The following MACROD2 variants were observed in gnomAD, a reference collection of about 807,000 sequenced individuals.
MACROD2 encodes the protein ADP-ribose glycohydrolase MACROD2.
A neutral mutation model predicts 70.4 loss-of-function variants in MACROD2; 36 were observed. The observed-to-expected ratio is 0.51, with a 90% CI of 0.39 to 0.68. The LOEUF is 0.68. Among genes scored for constraint, MACROD2 ranks in the 30% least tolerant of loss-of-function variants. MACROD2 has a pLI of 0.00. For synonymous variants in MACROD2, 172 were observed against 178.8 expected (o/e 0.96, Z 0.30); for missense variants, 496 against 538.4 (o/e 0.92, Z 0.78).
intron 6 of MACROD2, among the ~76,000 whole-genome samples, chr20:15,408,333 C>T (rs1285286365): frequency 6.6e-6 from 1 of 152,140 alleles, no homozygotes; most frequent in Non-Finnish European, 1.5e-5. Flanking sequence ...GTGGAAGTCC[C>T]TTAGAGTATT....
At chr20:14,368,401 A>G (rs994172309) in intron 3 of MACROD2, among the ~76,000 whole-genome samples, 2 of 152,024 alleles carry the variant, frequency 1.3e-5, no homozygotes, top group African/African-American at 4.8e-5. Context: ...AAATTAGCTG[A>G]GTGCGGTGGC....
At chr20:14,885,563 C>A (rs546888919) in intron 5 of MACROD2, among the ~76,000 whole-genome samples, 5 of 152,244 alleles carry the variant, frequency 3.3e-5, no homozygotes, top group African/African-American at 1.2e-4. Flanking sequence ...TATAATTTCT[C>A]AAACATCCTC....
chr20:14,913,856 C>T (rs898842937), intron 5 of MACROD2, among the ~76,000 whole-genome samples: 4 of 151,980 alleles, frequency 2.6e-5, no homozygotes, highest in African/African-American at 9.7e-5. Context: ...CCTGATAGGA[C>T]ACTGTAGAGT....
At chr20:15,309,199 A>G (rs193216526) in intron 6 of MACROD2, among the ~76,000 whole-genome samples, 28 of 152,348 alleles carry the variant, frequency 1.8e-4, no homozygotes, top group Middle Eastern at 3.4e-3. Flanking sequence ...TTCAACAACC[A>G]GTTGAGAAAA....
chr20:15,487,408 G>A (rs2047176249), intron 7 of MACROD2, among the ~76,000 whole-genome samples: 1 of 152,144 alleles, frequency 6.6e-6, no homozygotes. Flanking sequence ...TTAGGATGAT[G>A]TCCTCCAGCA....
chr20:14,006,967 G>A (rs8119080), intron 2 of MACROD2, among the ~76,000 whole-genome samples: 10,181 of 152,058 alleles, frequency 0.067, 386 homozygotes, highest in Non-Finnish European at 0.078. Context: ...CACATAATGC[G>A]TCATTGTCTC....
intron 3 of MACROD2, among the ~76,000 whole-genome samples, chr20:14,177,659 A>G (rs1331454300): frequency 6.6e-6 from 1 of 152,184 alleles, no homozygotes; most frequent in Non-Finnish European, 1.5e-5. Flanking sequence ...TCATGCTTGT[A>G]TCGACCAATG....
intron 4 of MACROD2, among the ~76,000 whole-genome samples, chr20:14,641,352 A>G (rs1431626672): frequency 6.6e-6 from 1 of 152,168 alleles, no homozygotes; most frequent in Non-Finnish European, 1.5e-5. Flanking sequence ...TGTCAAAGTC[A>G]TCTGTAAGGG....
At chr20:15,069,015 G>A (rs1285410467) in intron 5 of MACROD2, among the ~76,000 whole-genome samples, 4 of 152,116 alleles carry the variant, frequency 2.6e-5, no homozygotes, top group African/African-American at 9.7e-5. Flanking sequence ...GTGAAGGCCA[G>A]GCTGACTCAG....
chr20:14,792,781 C>T (rs566821075), intron 5 of MACROD2, among the ~76,000 whole-genome samples: 5 of 151,988 alleles, frequency 3.3e-5, no homozygotes, highest in African/African-American at 1.2e-4. Flanking sequence ...TTTGTTTTCC[C>T]CACTCAGTGT....
intron 5 of MACROD2, among the ~76,000 whole-genome samples, chr20:14,991,541 C>G (rs1234940809): frequency 6.6e-6 from 1 of 152,116 alleles, no homozygotes; most frequent in East Asian, 1.9e-4. Flanking sequence ...GACAATGCTC[C>G]CAATGACTCT....
intron 3 of MACROD2, among the ~76,000 whole-genome samples, chr20:14,147,866 CT>C (rs2054962573): frequency 6.6e-6 from 1 of 151,856 alleles, no homozygotes; most frequent in African/African-American, 2.4e-5. Flanking sequence ...TGATCTCACT[CT>C]TTTTTCTTTT....
chr20:14,247,612 TTGAGTGCCGACG>T (rs1258468798), intron 3 of MACROD2, among the ~76,000 whole-genome samples: 2 of 152,198 alleles, frequency 1.3e-5, no homozygotes, highest in East Asian at 3.8e-4. Flanking sequence ...CCAAAACTTT[TTGAGTGCCGACG>T]TGATGCCACA....
At chr20:15,281,032 G>A (rs1451198385) in intron 6 of MACROD2, among the ~76,000 whole-genome samples, 1 of 152,182 alleles carries the variant, frequency 6.6e-6, no homozygotes, top group Non-Finnish European at 1.5e-5. Flanking sequence ...TTCTTCACAG[G>A]GTGGCAGGAC....
chr20:14,548,065 C>T (rs946204661), intron 4 of MACROD2, among the ~76,000 whole-genome samples: 1 of 152,102 alleles, frequency 6.6e-6, no homozygotes, highest in Admixed American at 6.5e-5. Context: ...TAGACTACAC[C>T]TCTTGATAAG....
intron 3 of MACROD2, among the ~76,000 whole-genome samples, chr20:14,346,256 C>T (rs984081052): frequency 1.4e-4 from 21 of 152,032 alleles, no homozygotes; most frequent in African/African-American, 4.8e-4. Flanking sequence ...ATTTTTAATC[C>T]ATATGAATAG....
intron 6 of MACROD2, among the ~76,000 whole-genome samples, chr20:15,350,727 A>C (rs191187837): frequency 6.6e-6 from 1 of 152,314 alleles, no homozygotes; most frequent in Admixed American, 6.5e-5. Context: ...CATTATGATA[A>C]AAAATGGTAT....
At chr20:15,192,703 T>C (rs531794810) in intron 5 of MACROD2, among the ~76,000 whole-genome samples, 6 of 152,310 alleles carry the variant, frequency 3.9e-5, no homozygotes, top group African/African-American at 1.4e-4. Flanking sequence ...CACTTAATTA[T>C]GTTGTTCCAC....
intron 3 of MACROD2, among the ~76,000 whole-genome samples, chr20:14,255,999 G>T (rs2082053385): frequency 6.6e-6 from 1 of 151,692 alleles, no homozygotes; most frequent in Non-Finnish European, 1.5e-5. Flanking sequence ...GCCTTTATTT[G>T]TTTAGATTAG....
Sources: allele counts gnomAD v4.1 joint callset (sites outside exome capture counted in the v4.1 genomes callset), GRCh38; gene constraint gnomAD v4.1.1; transcripts MANE v1.5; gene names NCBI Gene and HGNC (gene_info 2026-07-23, HGNC 2026-07-21).